The following HECW1 variants were observed in gnomAD, a reference collection of about 807,000 sequenced individuals.
HECW1 encodes the protein E3 ubiquitin-protein ligase HECW1.
HECW1 carries 61 observed loss-of-function variants against 182.3 expected under a neutral mutation model. The observed-to-expected ratio is 0.33, with a 90% confidence interval of 0.27 to 0.41. The LOEUF is 0.41. Ranked by LOEUF, HECW1 falls within the 10% of genes least tolerant of loss-of-function variation. The probability of loss-of-function intolerance (pLI) is 1.00; values close to 1 mark genes in which losing one functional copy is unlikely to be tolerated. For missense variants in HECW1, 1,739 were observed against 2,108.9 expected (o/e 0.82, Z 3.44); for synonymous variants, 859 against 832.6 (o/e 1.03, Z -0.55).
chr7:43,370,949 G>A (rs13236084), intron 6 of HECW1, among the ~76,000 whole-genome samples: 24,635 of 150,170 alleles, frequency 0.16, 2,702 homozygotes, highest in Non-Finnish European at 0.24. Context: ...GTGCAGTGGC[G>A]CAATCTCGGC....
At chr7:43,442,504 T>G in intron 9 of HECW1, 25 bp from the exon 10 acceptor site, 1 of 1,530,204 alleles carries the variant, frequency 6.5e-7, no homozygotes, top group African/African-American at 1.4e-5. Flanking sequence ...TGACCAGAAC[T>G]GTGATGGTGC....
At chr7:43,342,610 T>G (rs1487302914) in intron 5 of HECW1, among the ~76,000 whole-genome samples, 1 of 151,840 alleles carries the variant, frequency 6.6e-6, no homozygotes, top group Admixed American at 6.6e-5. Context: ...TGAGGCTAAC[T>G]CTTACAGAGT....
chr7:43,441,527 C>G (rs2076887156), intron 9 of HECW1, among the ~76,000 whole-genome samples: 1 of 150,442 alleles, frequency 6.6e-6, no homozygotes, highest in South Asian at 2.2e-4. Flanking sequence ...AAAAGCAGGC[C>G]AAGGACATCC....
chr7:43,255,045 G>A (rs1204670517), intron 3 of HECW1, among the ~76,000 whole-genome samples: 5 of 152,278 alleles, frequency 3.3e-5, no homozygotes, highest in African/African-American at 1.2e-4. Flanking sequence ...AAGTTTAGAA[G>A]AGGAAACACA....
At chr7:43,296,516 T>G (rs1806072533) in intron 3 of HECW1, among the ~76,000 whole-genome samples, 1 of 152,140 alleles carries the variant, frequency 6.6e-6, no homozygotes, top group Non-Finnish European at 1.5e-5. Context: ...GCGGCGCAGC[T>G]GTGGACGCAG....
rs979172451 is a variant in HECW1, at chr7:43,563,902, T to A, written c.*1976T>A. 1 of 183,802 alleles carries A rather than the reference T, an allele frequency of 5.4e-6. No homozygotes were observed. The highest frequency in any genetic ancestry group is 1.2e-5 in the Non-Finnish European group (1 of 86,662). The allele number at this position is 183,802 out of a possible 1,614,324, so 11.4% of individuals were successfully genotyped here. ...ATAAATAAAAATAAAAGCATTTTTT[T>A]AGTAGGAATTATCTACAATGCCCAG... On this transcript the variant is annotated 3_prime_UTR_variant, in exon 30 of 30. Coordinates refer to ENST00000395891, the MANE Select transcript of HECW1 (RefSeq NM_015052.5).
Position 43,243,353 on chromosome 7 carries a change from A to T in HECW1, c.-31-522A>T, listed in dbSNP as rs1197933860. On this transcript the variant is annotated intron_variant, in intron 2 of 29. Coordinates refer to ENST00000395891, the MANE Select transcript of HECW1 (RefSeq NM_015052.5). The surrounding 1 kb of genome is among the most constrained non-coding windows in gnomAD (Gnocchi z 4.0). ...GTGACAGTCACTCCGCAGGACAACAAGTGGAAGGGGATGGCACTTCTTGAG... is the reference window on the plus strand; with the variant it reads ...GTGACAGTCACTCCGCAGGACAACATGTGGAAGGGGATGGCACTTCTTGAG... Among the ~76,000 whole-genome samples the T allele has an allele frequency of 6.6e-6, 1 of 152,050 alleles. No individual in the cohort carries two copies. Among genetic ancestry groups the T allele is most frequent in the Non-Finnish European group, 1.5e-5 (1 of 68,024 alleles).
intron 5 of HECW1, among the ~76,000 whole-genome samples, chr7:43,343,729 G>A (rs376494065): frequency 2.1e-4 from 32 of 151,942 alleles, no homozygotes; most frequent in South Asian, 6.2e-4. Flanking sequence ...ATAAAAATAC[G>A]TGTGCATGTG....
At chr7:43,436,719 G>A (rs1231033655) in intron 8 of HECW1, among the ~76,000 whole-genome samples, 1 of 152,222 alleles carries the variant, frequency 6.6e-6, no homozygotes, top group East Asian at 1.9e-4. Flanking sequence ...GATCACAGGG[G>A]ATATGATGGC....
chr7:43,346,555 G>C (rs1404032269), intron 5 of HECW1, among the ~76,000 whole-genome samples: 3 of 152,096 alleles, frequency 2.0e-5, no homozygotes, highest in African/African-American at 4.8e-5. Context: ...TCTTGGTCGT[G>C]AAATCCTTGC....
intron 5 of HECW1, among the ~76,000 whole-genome samples, chr7:43,343,572 C>T (rs1477888565): frequency 6.6e-6 from 1 of 151,722 alleles, no homozygotes; most frequent in Non-Finnish European, 1.5e-5. Context: ...CAGCTTCATC[C>T]ATGTCCCTGC....
intron 3 of HECW1, among the ~76,000 whole-genome samples, chr7:43,294,113 C>T (rs1805747608): frequency 6.6e-6 from 1 of 152,184 alleles, no homozygotes; most frequent in Non-Finnish European, 1.5e-5. Flanking sequence ...GGGACCGCTG[C>T]TGCAGGGGCA....
chr7:43,187,885 C>A (rs1793555561), intron 2 of HECW1, among the ~76,000 whole-genome samples: 1 of 152,184 alleles, frequency 6.6e-6, no homozygotes, highest in Non-Finnish European at 1.5e-5. Flanking sequence ...CAGCACAAGT[C>A]AGTCCCAGAC....
At chr7:43,304,289 G>C (rs935540102) in intron 3 of HECW1, among the ~76,000 whole-genome samples, 1 of 151,816 alleles carries the variant, frequency 6.6e-6, no homozygotes, top group African/African-American at 2.4e-5. Flanking sequence ...TCCTGCATCC[G>C]GACACCTGAC....
intron 2 of HECW1, among the ~76,000 whole-genome samples, chr7:43,214,627 G>T (rs548557845): frequency 1.3e-5 from 2 of 152,306 alleles, no homozygotes; most frequent in South Asian, 4.1e-4. Context: ...GATCCAATCA[G>T]GAAATTATGG....
intron 2 of HECW1, among the ~76,000 whole-genome samples, chr7:43,240,314 G>A (rs1301003865): frequency 1.3e-5 from 2 of 152,056 alleles, no homozygotes; most frequent in Non-Finnish European, 2.9e-5. Context: ...CTCCAGCCTA[G>A]GCGACAGAGC....
intron 6 of HECW1, among the ~76,000 whole-genome samples, chr7:43,374,799 A>AAAAAAAAAAAAAAAAAAAAAAAAAAC (rs1303274874): frequency 1.8e-5 from 1 of 54,074 alleles, no homozygotes; most frequent in Non-Finnish European, 3.0e-5. Context: ...AAAAAAAAAA[A>AAAAAAAAAAAAAAAAAAAAAAAAAAC]ATAGAGAAAT....
At chr7:43,550,839 A>G (rs2081792730) in intron 27 of HECW1, among the ~76,000 whole-genome samples, 1 of 152,346 alleles carries the variant, frequency 6.6e-6, no homozygotes, top group African/African-American at 2.4e-5. Context: ...CTTTCAAGCA[A>G]CTGGCATGTG....
chr7:43,369,888 G>A (rs1817119961), intron 6 of HECW1, among the ~76,000 whole-genome samples: 1 of 152,152 alleles, frequency 6.6e-6, no homozygotes, highest in South Asian at 2.1e-4. Flanking sequence ...TCAAATGATG[G>A]AGGGATAGAT....
Sources: allele counts gnomAD v4.1 joint callset (sites outside exome capture counted in the v4.1 genomes callset), GRCh38; gene constraint gnomAD v4.1.1; non-coding constraint Gnocchi (gnomAD v3.1); transcripts MANE v1.5; gene names NCBI Gene and HGNC (gene_info 2026-07-23, HGNC 2026-07-21).